Variants in CLCA2 observed in about 807,000 individuals in gnomAD.
CLCA2 encodes the protein chloride channel accessory 2, also known as calcium-activated chloride channel regulator 2.
A neutral mutation model predicts 82.9 loss-of-function variants in CLCA2; 85 were observed. The ratio of observed to expected loss-of-function variants is 1.03; its 90% CI spans 0.86 to 1.23. The LOEUF is 1.23. Among genes scored for constraint, CLCA2 ranks in the 50% most tolerant of loss-of-function variants. The pLI is 0.00. For missense variants in CLCA2, 1,089 were observed against 1,124.8 expected (o/e 0.97, Z 0.45); for synonymous variants, 421 against 391.7 (o/e 1.07, Z -0.88).
intron 7 of CLCA2, 33 bp downstream of exon 7, chr1:86,439,139 A>T (rs1287606814): frequency 6.3e-7 from 1 of 1,592,332 alleles, no homozygotes. Context: ...TTGGATCACC[A>T]TCATTTTCCT....
chr1:86,447,796 G>A lies in CLCA2; in HGVS notation c.1984+18G>A. Reference sequence around the variant, plus strand: ...TGGAGCAGGTAACAAGGAATGTCATGACATTTTATCATCTTCTCAACAGCT... The same window carrying A: ...TGGAGCAGGTAACAAGGAATGTCATAACATTTTATCATCTTCTCAACAGCT... On this transcript the variant is annotated intron_variant, in intron 11 of 13. Transcript: ENST00000370565. 6.2e-7 allele frequency: 1 copy of A among 1,604,460 alleles called. No homozygotes were observed. Among genetic ancestry groups the A allele is most frequent in the Non-Finnish European group, 8.5e-7 (1 of 1,177,732 alleles).
chr1:86,445,202 CT>C (rs1662824048), intron 10 of CLCA2, among the ~76,000 whole-genome samples: 1 of 151,932 alleles, frequency 6.6e-6, no homozygotes, highest in African/African-American at 2.4e-5. Flanking sequence ...CCACCACCTT[CT>C]TGACAGCCCC....
chr1:86,428,020 G>A (rs1006213417), intron 2 of CLCA2, among the ~76,000 whole-genome samples: 2 of 152,176 alleles, frequency 1.3e-5, no homozygotes, highest in Admixed American at 1.3e-4. Flanking sequence ...TCTGAACGAT[G>A]TATAAATGCT....
intron 3 of CLCA2, among the ~76,000 whole-genome samples, chr1:86,428,961 G>T (rs1488626627): frequency 6.6e-6 from 1 of 152,142 alleles, no homozygotes; most frequent in Non-Finnish European, 1.5e-5. Context: ...GAGAGACAGA[G>T]ACCCTGATGA....
In CLCA2 at chr1:86,424,438, G is replaced by A. The variant is rs1488814253; in HGVS notation, c.186+5G>A. 2 of 1,601,170 alleles carry A rather than the reference G, an allele frequency of 1.2e-6. No individual in the cohort carries two copies. Among genetic ancestry groups the A allele is most frequent in the South Asian group, 2.3e-5 (2 of 88,876 alleles). On this transcript the variant is annotated splice_donor_5th_base_variant and intron_variant, in intron 1 of 13. Coordinates refer to ENST00000370565, the MANE Select transcript of CLCA2 (RefSeq NM_006536.7). ...AACCTCATCTCAAACATTAAGGTGA[G>A]TGGAAATTATGAAATTGATACTAGC... is the stretch of plus-strand genomic sequence containing the variant.
chr1:86,445,690 G>A (rs895103498), intron 10 of CLCA2, among the ~76,000 whole-genome samples: 5 of 148,190 alleles, frequency 3.4e-5, no homozygotes, highest in South Asian at 2.1e-4. Context: ...GACTTGGATC[G>A]TCTTTGTTAT....
At chr1:86,432,290 T>C (rs1334150) in intron 4 of CLCA2, 79 bp from the exon 5 acceptor site, 1,304,016 of 1,524,144 alleles carry the variant, frequency 0.86, 558,954 homozygotes, top group Non-Finnish European at 0.86. Context: ...ATCCTTGTAA[T>C]AATTATATAA....
Position 86,456,321 on chromosome 1 carries a change from C to A in CLCA2, c.*794C>A, listed in dbSNP as rs1663076826. 1 of 152,044 alleles carries A rather than the reference C, an allele frequency of 6.6e-6. No individual in the cohort carries two copies. The highest frequency in any genetic ancestry group is 2.1e-4 in the South Asian group (1 of 4,816). The allele number at this position is 152,044 out of a possible 1,614,324, so 9.4% of individuals were successfully genotyped here. ...GAACATATAGTTTTATTCAATTAAA[C>A]CAAAGAAGAGGTCAGCAGGGAGATA... On this transcript the variant is annotated 3_prime_UTR_variant, in exon 14 of 14. Coordinates refer to ENST00000370565, the MANE Select transcript of CLCA2 (RefSeq NM_006536.7).
At position 86,455,364 on chromosome 1, in the gene CLCA2, C is replaced by A; in HGVS notation, c.2669C>A (p.Pro890His). 1 of 1,612,260 alleles carries A rather than the reference C, an allele frequency of 6.2e-7. No individual in the cohort carries two copies. The highest frequency in any genetic ancestry group is 8.5e-7 in the Non-Finnish European group (1 of 1,179,472). Reference sequence around the variant, plus strand: ...GCCCAGGCGCCTCTGTTTATTCCCCCCAATTCTGATCCTGTACCTGCCAGA... The same window carrying A: ...GCCCAGGCGCCTCTGTTTATTCCCCACAATTCTGATCCTGTACCTGCCAGA... The part of the protein sequence containing the change: ...NIAQAPLFIP[P>H]NSDPVPARDY... Residue 890 changes from proline to histidine, a missense_variant, in exon 14 of 14, where the codon CCC becomes CAC. Coordinates refer to ENST00000370565, the MANE Select transcript of CLCA2 (RefSeq NM_006536.7).
At chr1:86,447,907 C>A in intron 11 of CLCA2, 129 bp downstream of exon 11, 1 of 958,330 alleles carries the variant, frequency 1.0e-6, no homozygotes, top group Non-Finnish European at 1.5e-6. Context: ...ACAATATTCT[C>A]AAATTCTTAT....
rs898011030 is a variant in CLCA2, at chr1:86,443,542, A to T, written c.1489-245A>T. On this transcript the variant is annotated intron_variant, in intron 9 of 13. Transcript: ENST00000370565. ...AATATGAGGACAGCTAACATCTTTT[A>T]ATAAAGAATAATGAAATGACACTTG... Among the ~76,000 whole-genome samples, 3 of 152,238 alleles carry T rather than the reference A, an allele frequency of 2.0e-5. No homozygotes were observed. The East Asian group carries it at 5.8e-4, about 29-fold the overall frequency.
At chr1:86,453,287 G>T in intron 12 of CLCA2, 82 bp from the exon 13 acceptor site, 1 of 1,032,238 alleles carries the variant, frequency 9.7e-7, no homozygotes, top group Non-Finnish European at 1.4e-6. Flanking sequence ...AAAGGTTTAA[G>T]AAAGTCTCAC....
At position 86,440,110 on chromosome 1, in the gene CLCA2, C is replaced by T. The variant is rs201982905; in HGVS notation, c.1204-38C>T. The T allele has an allele frequency of 1.1e-4, 174 of 1,597,684 alleles. 1 individual carries two copies. The Middle Eastern group carries it at 1.5e-3, about 14-fold the overall frequency. ...CTTTTGCTCAATAAAACAATTTGAA[C>T]TACACTTCCTTCCAAGTGACTAATT... On this transcript the variant is annotated intron_variant, in intron 7 of 13. Transcript: ENST00000370565.
In CLCA2 at chr1:86,441,482, T is replaced by C. The variant is rs1171590815; in HGVS notation, c.1427T>C (p.Met476Thr). The change falls in exon 9 of 14, where the codon ATG becomes ACG. Residue 476 changes from methionine to threonine, a missense_variant. Physicochemically the swap from Met to Thr is moderately conservative, Grantham distance 81. Transcript: ENST00000370565. The part of the protein sequence containing the change: ...FVPDISNSNS[M>T]IDAFSRISSG... ...CCAGATATATCAAACTCCAATAGCA[T>C]GATTGATGCTTTCAGTAGAATTTCC... 11 of 1,612,136 alleles carry C rather than the reference T, an allele frequency of 6.8e-6. No homozygotes were observed. The highest frequency in any genetic ancestry group is 9.3e-6 in the Non-Finnish European group (11 of 1,178,648).
At chr1:86,429,491 G>A (rs1311500508) in intron 3 of CLCA2, among the ~76,000 whole-genome samples, 1 of 152,140 alleles carries the variant, frequency 6.6e-6, no homozygotes, top group African/African-American at 2.4e-5. Flanking sequence ...TCTGGATCTA[G>A]GCAAATTCAT....
intron 11 of CLCA2, among the ~76,000 whole-genome samples, chr1:86,448,797 T>G (rs1370687528): frequency 3.3e-5 from 5 of 152,234 alleles, no homozygotes; most frequent in Non-Finnish European, 1.5e-5. Flanking sequence ...TTTTGCCTGT[T>G]GGATTGGATC....
In CLCA2 at chr1:86,425,189, A is replaced by G. The variant is rs188598383; in HGVS notation, c.187-150A>G. ...AAAGTTTTTTTAAAAATTTGCTCCT[A>G]TGTTTTCCCAAAGTCTAGGGCTTTC... On this transcript the variant is annotated intron_variant, in intron 1 of 13. Coordinates refer to ENST00000370565, the MANE Select transcript of CLCA2 (RefSeq NM_006536.7). The G allele has an allele frequency of 7.8e-3, 3,180 of 408,878 alleles. 27 individuals carry two copies. Among genetic ancestry groups the G allele is most frequent in the Middle Eastern group, 0.016 (21 of 1,332 alleles). 25.3% of individuals were successfully genotyped at this position (408,878 alleles called of 1,614,324 possible).
Position 86,455,531 on chromosome 1 carries a change from A to C in CLCA2, c.*4A>C. 1 of 1,462,596 alleles carries C rather than the reference A, an allele frequency of 6.8e-7. No homozygotes were observed. The highest frequency in any genetic ancestry group is 1.6e-5 in the South Asian group (1 of 61,966). The allele number at this position is 1,462,596 out of a possible 1,614,324, so 90.6% of individuals were successfully genotyped here. ...GAATGGAACAAAATTATTATAAATA[A>C]ATATCCAAAGTGTCTTCCTTCTTAG... On this transcript the variant is annotated 3_prime_UTR_variant, in exon 14 of 14. Coordinates refer to ENST00000370565, the MANE Select transcript of CLCA2 (RefSeq NM_006536.7).
Position 86,443,961 on chromosome 1 carries a change from A to G in CLCA2, c.1663A>G (p.Thr555Ala). The change falls in exon 10 of 14, where the codon ACC (threonine) becomes GCC (alanine). Residue 555 changes from threonine (T) to alanine (A), a missense_variant. Physicochemically the swap from Thr to Ala is moderately conservative, Grantham distance 58. Transcript: ENST00000370565. ...GRKYYTNNFI[T>A]NLTFRTASLW... is the part of the protein sequence containing the mutation. ...AAAATACTACACAAATAATTTTATC[A>G]CCAATCTAACTTTTCGGACAGCTAG... The G allele has an allele frequency of 6.2e-7, 1 of 1,613,728 alleles. No homozygotes were observed. The highest frequency in any genetic ancestry group is 8.5e-7 in the Non-Finnish European group (1 of 1,179,648).
Sources: gnomAD v4.1 joint callset for allele counts (sites outside exome capture counted in the v4.1 genomes callset) on GRCh38, gnomAD v4.1.1 for gene constraint, MANE v1.5 for transcripts, NCBI Gene and HGNC (gene_info 2026-07-23, HGNC 2026-07-21) for gene names.